Variants in MAP3K4 observed in about 807,000 individuals in gnomAD.
MAP3K4 encodes the protein mitogen-activated protein kinase kinase kinase 4.
In MAP3K4, 67 loss-of-function variants were observed where a neutral mutation model predicts 185.6. That is an observed-to-expected ratio of 0.36 (90% CI 0.30 to 0.44). MAP3K4 has a LOEUF of 0.44. MAP3K4 is among the 20% of genes least tolerant of loss of function. MAP3K4 has a pLI of 1.00. For synonymous variants in MAP3K4, 702 were observed against 710.4 expected (o/e 0.99, Z 0.19); for missense variants, 1,551 against 1,995.1 (o/e 0.78, Z 4.24).
rs2114745912 is a variant in MAP3K4, at chr6:161,043,581, C to T, written c.344-5035C>T. On this transcript the variant is annotated intron_variant, in intron 2 of 26. Transcript: ENST00000392142. This position sits in a 1 kb window ranked among gnomAD's most constrained non-coding sequence, Gnocchi z 4.3. ...TGTGTTCTGTGATAATCTTCATCAT[C>T]ATGTTGTTACGAAAATTATGACAAT... 6.6e-6 allele frequency among the ~76,000 whole-genome samples: 1 copy of T among 152,286 alleles called. No individual in the cohort carries two copies. The highest frequency in any genetic ancestry group is 1.5e-5 in the Non-Finnish European group (1 of 68,034).
intron 19 of MAP3K4, 44 bp downstream of exon 19, chr6:161,102,823 A>C (rs1777896015): frequency 3.3e-6 from 4 of 1,203,442 alleles, no homozygotes; most frequent in Non-Finnish European, 4.7e-6. Context: ...AAAAAAAAAA[A>C]ACACGATTAC....
At chr6:161,029,321 A>G (rs1782814217) in intron 1 of MAP3K4, among the ~76,000 whole-genome samples, 1 of 152,300 alleles carries the variant, frequency 6.6e-6, no homozygotes, top group African/African-American at 2.4e-5. Context: ...CGACTTCATC[A>G]TTTTACAGAT....
At position 161,087,912 on chromosome 6, in the gene MAP3K4, C is replaced by A; in HGVS notation, c.2781C>A (p.Val927=). ...WGTWEAQPVK[V]VPQVETVDTL... ...CCTGGGAGGCACAGCCTGTCAAAGTCGTGCCTCAGGTGGAGACTGTTGACA... is the reference window on the plus strand; with the variant it reads ...CCTGGGAGGCACAGCCTGTCAAAGTAGTGCCTCAGGTGGAGACTGTTGACA... Residue 927 remains valine, a synonymous_variant, in exon 10 of 27, where the codon GTC becomes GTA. Transcript: ENST00000392142. The surrounding 1 kb of genome is among the most constrained non-coding windows in gnomAD (Gnocchi z 4.9). 1 of 1,613,954 alleles carries A rather than the reference C, an allele frequency of 6.2e-7. No homozygotes were observed. The highest frequency in any genetic ancestry group is 1.1e-5 in the South Asian group (1 of 91,010).
chr6:161,070,227 C>G lies in MAP3K4; in HGVS notation c.1708-381C>G, dbSNP rs904954540. Among the ~76,000 whole-genome samples the G allele has an allele frequency of 2.0e-5, 3 of 151,304 alleles. No homozygotes were observed. The highest frequency in any genetic ancestry group is 3.0e-5 in the Non-Finnish European group (2 of 67,748). On this transcript the variant is annotated intron_variant, in intron 3 of 26. Coordinates refer to ENST00000392142, the MANE Select transcript of MAP3K4 (RefSeq NM_005922.4). This position sits in a 1 kb window ranked among gnomAD's most constrained non-coding sequence, Gnocchi z 4.5. Reference sequence around the variant, plus strand: ...TGTTTTCTCTAATTTCAGTAATTCTCTGGTTTTTTTCCCAGTCTAGAGATA... The same window carrying G: ...TGTTTTCTCTAATTTCAGTAATTCTGTGGTTTTTTTCCCAGTCTAGAGATA...
At position 161,073,785 on chromosome 6, in the gene MAP3K4, G is replaced by A. The variant is rs1239152140; in HGVS notation, c.2097+173G>A. On this transcript the variant is annotated intron_variant, in intron 5 of 26. Coordinates refer to ENST00000392142, the MANE Select transcript of MAP3K4 (RefSeq NM_005922.4). The surrounding 1 kb of genome is among the most constrained non-coding windows in gnomAD (Gnocchi z 4.2). The stretch of plus-strand genomic sequence containing the variant: ...AGTATAGCTTGTGTGTGTGTATTGC[G>A]GAGGGCGGTGGTGGTGATCTTGAAT... 2.0e-5 allele frequency among the ~76,000 whole-genome samples: 3 copies of A among 152,112 alleles called. No individual in the cohort carries two copies. The highest frequency in any genetic ancestry group is 2.9e-5 in the Non-Finnish European group (2 of 68,024).
chr6:161,020,821 T>C (rs1212877573), intron 1 of MAP3K4, among the ~76,000 whole-genome samples: 1 of 152,214 alleles, frequency 6.6e-6, no homozygotes, highest in Non-Finnish European at 1.5e-5. Context: ...TTGTACATGT[T>C]GTATTTAATG....
chr6:161,048,417 G>A lies in MAP3K4; in HGVS notation c.344-199G>A. The stretch of plus-strand genomic sequence containing the variant: ...AGAATACAGCAAATACTGGAAAAAT[G>A]GATAATTTTTTTTAAAATATAGAAA... On this transcript the variant is annotated intron_variant, in intron 2 of 26. Transcript: ENST00000392142. The surrounding 1 kb of genome is among the most constrained non-coding windows in gnomAD (Gnocchi z 4.7). 1.6e-6 allele frequency: 1 copy of A among 610,676 alleles called. No individual in the cohort carries two copies. 37.8% of individuals were successfully genotyped at this position (610,676 alleles called of 1,614,324 possible).
intron 15 of MAP3K4, among the ~76,000 whole-genome samples, chr6:161,095,554 C>T (rs1367875581): frequency 2.0e-5 from 3 of 152,182 alleles, no homozygotes; most frequent in Non-Finnish European, 4.4e-5. Flanking sequence ...ATGCATTCTC[C>T]CTGTACCTTT....
intron 1 of MAP3K4, among the ~76,000 whole-genome samples, chr6:160,994,317 A>T (rs1056114628): frequency 2.6e-5 from 4 of 152,066 alleles, no homozygotes; most frequent in African/African-American, 9.7e-5. Context: ...CGAGTCTTCA[A>T]AGTCCATTAT....
intron 11 of MAP3K4, among the ~76,000 whole-genome samples, chr6:161,090,203 ATC>A (rs1278285752): frequency 6.6e-6 from 1 of 152,230 alleles, no homozygotes; most frequent in Non-Finnish European, 1.5e-5. Context: ...TATTTAGGTT[ATC>A]TCTCTCTATG....
rs1778546668 is a variant in MAP3K4 at position 161,115,360 on chromosome 6, A to G, written c.4806+58A>G. On this transcript the variant is annotated intron_variant, in intron 26 of 26. Transcript: ENST00000392142. This position sits in a 1 kb window ranked among gnomAD's most constrained non-coding sequence, Gnocchi z 6.0. ...TTTAAGTGTTTAAGTTCTGTTTTGC[A>G]TCAAGACGTTAATGAAATTTTGAAA... is the stretch of plus-strand genomic sequence containing the variant. 1.3e-6 allele frequency: 2 copies of G among 1,498,818 alleles called. No homozygotes were observed. Among genetic ancestry groups the G allele is most frequent in the Non-Finnish European group, 1.8e-6 (2 of 1,110,884 alleles). The allele number at this position is 1,498,818 out of a possible 1,614,324, so 92.8% of individuals were successfully genotyped here.
In MAP3K4 at chr6:161,107,824, A is replaced by G. The variant is rs1778156225; in HGVS notation, c.4049-75A>G. 1 of 958,448 alleles carries G rather than the reference A, an allele frequency of 1.0e-6. No individual in the cohort carries two copies. Among genetic ancestry groups the G allele is most frequent in the East Asian group, 2.4e-5 (1 of 41,702 alleles). The allele number at this position is 958,448 out of a possible 1,614,324, so 59.4% of individuals were successfully genotyped here. On this transcript the variant is annotated intron_variant, in intron 20 of 26. Coordinates refer to ENST00000392142, the MANE Select transcript of MAP3K4 (RefSeq NM_005922.4). The surrounding 1 kb of genome is among the most constrained non-coding windows in gnomAD (Gnocchi z 6.2). ...TATACGTCCAAAATAATTGGACAGT[A>G]TTATTACAAGTTTAAGGAATGTAAG...
rs552689255 is a variant in MAP3K4 at position 160,993,610 on chromosome 6, C to T, written c.152+1527C>T. Among the ~76,000 whole-genome samples the T allele has an allele frequency of 1.6e-4, 25 of 152,148 alleles. No homozygotes were observed. In the South Asian group the frequency reaches 4.6e-3, roughly 28 times the overall value. Reference sequence around the variant, plus strand: ...ATGAAGAATTCATTATCCAAATGGGCGGATCAGAAATTAGAATTCTGTATA... The same window carrying T: ...ATGAAGAATTCATTATCCAAATGGGTGGATCAGAAATTAGAATTCTGTATA... On this transcript the variant is annotated intron_variant, in intron 1 of 26. Coordinates refer to ENST00000392142, the MANE Select transcript of MAP3K4 (RefSeq NM_005922.4).
rs775196797 is a variant in MAP3K4, at chr6:161,073,623, G to T, written c.2097+11G>T. On this transcript the variant is annotated intron_variant, in intron 5 of 26. Transcript: ENST00000392142. The surrounding 1 kb of genome is among the most constrained non-coding windows in gnomAD (Gnocchi z 4.2). ...CATAAAATGCTTATGGTCAGAAGCA[G>T]TGGGGAGGAATTTTTCTTTCTTTCT... 1.3e-6 allele frequency: 2 copies of T among 1,591,690 alleles called. No individual in the cohort carries two copies. The highest frequency in any genetic ancestry group is 2.2e-5 in the East Asian group (1 of 44,552).
intron 1 of MAP3K4, among the ~76,000 whole-genome samples, chr6:161,000,412 C>G (rs2115043251): frequency 6.6e-6 from 1 of 152,270 alleles, no homozygotes; most frequent in East Asian, 1.9e-4. Context: ...CTCGGCAATA[C>G]TTACTTCTTG....
At position 161,070,973 on chromosome 6, in the gene MAP3K4, T is replaced by G; in HGVS notation, c.1950+123T>G. 1 of 937,260 alleles carries G rather than the reference T, an allele frequency of 1.1e-6. No individual in the cohort carries two copies. The allele number at this position is 937,260 out of a possible 1,614,324, so 58.1% of individuals were successfully genotyped here. A position where few individuals can be genotyped will look rare whatever the true frequency, so the allele number is the denominator to read the frequency against. ...TCGCAAATAGTGAAAAATGACTGTT[T>G]GTCCATGGTTTTAAGCTGTATATTT... On this transcript the variant is annotated intron_variant, in intron 4 of 26. Transcript: ENST00000392142. The surrounding 1 kb of genome is among the most constrained non-coding windows in gnomAD (Gnocchi z 4.5).
rs1369269814 is a variant in MAP3K4, at chr6:161,067,699, A to G, written c.1708-2909A>G. Among the ~76,000 whole-genome samples the G allele has an allele frequency of 6.6e-6, 1 of 152,212 alleles. No homozygotes were observed. The highest frequency in any genetic ancestry group is 2.4e-5 in the African/African-American group (1 of 41,452). On this transcript the variant is annotated intron_variant, in intron 3 of 26. Transcript: ENST00000392142. The surrounding 1 kb of genome is among the most constrained non-coding windows in gnomAD (Gnocchi z 6.3). ...TTATATACTAACATTGTTTGATGTC[A>G]GGTTATAATAGACTAAACGTCTGTG...
At position 161,013,687 on chromosome 6, in the gene MAP3K4, C is replaced by T. The variant is rs143510855; in HGVS notation, c.153-20572C>T. On this transcript the variant is annotated intron_variant, in intron 1 of 26. Transcript: ENST00000392142. ...TTACATCTCTAGTGGTGTTAAGCTC[C>T]GTGGCTGCTGCTGCAGGGCAGGGCT... 2.8e-3 allele frequency among the ~76,000 whole-genome samples: 423 copies of T among 152,312 alleles called. 1 individual carries two copies. Among genetic ancestry groups the T allele is most frequent in the Non-Finnish European group, 4.8e-3 (329 of 68,024 alleles).
At position 161,116,535 on chromosome 6, in the gene MAP3K4, G is replaced by A. The variant is rs1275954804; in HGVS notation, c.4807-315G>A. Among the ~76,000 whole-genome samples, 1 of 152,122 alleles carries A rather than the reference G, an allele frequency of 6.6e-6. No individual in the cohort carries two copies. Among genetic ancestry groups the A allele is most frequent in the Non-Finnish European group, 1.5e-5 (1 of 68,030 alleles). On this transcript the variant is annotated intron_variant, in intron 26 of 26. Transcript: ENST00000392142. The surrounding 1 kb of genome is among the most constrained non-coding windows in gnomAD (Gnocchi z 6.2). The stretch of plus-strand genomic sequence containing the variant: ...GGCAAGCAGCAGGATCAGCTATGGA[G>A]ACATTAGGGATTTGTAATTAAATAA...
Sources: allele counts gnomAD v4.1 joint callset (sites outside exome capture counted in the v4.1 genomes callset), GRCh38; gene constraint gnomAD v4.1.1; non-coding constraint Gnocchi (gnomAD v3.1); transcripts MANE v1.5; gene names NCBI Gene and HGNC (gene_info 2026-07-23, HGNC 2026-07-21).